Variants in USH2A observed in about 807,000 individuals in gnomAD.
USH2A encodes the protein usherin.
Under a neutral mutation model 538.9 loss-of-function variants are expected in USH2A, and 443 were observed. The observed-to-expected ratio is 0.82, with a 90% confidence interval of 0.76 to 0.89. The LOEUF (loss-of-function observed/expected upper bound fraction) is 0.89, where lower values mean the gene tolerates loss of function less well. USH2A is among the 40% of genes least tolerant of loss of function. USH2A has a pLI of 0.00. For missense variants in USH2A, 6,633 were observed against 6,324.8 expected, an observed-to-expected ratio of 1.05 and a Z score of -1.65; for synonymous variants, 2,413 against 2,273.5, an observed-to-expected ratio of 1.06 and a Z score of -1.75.
At position 216,013,162 on chromosome 1, in the gene USH2A, T is replaced by C. The variant is rs1024862894; in HGVS notation, c.6326-12600A>G. Among the ~76,000 whole-genome samples, 18 of 152,242 alleles carry C rather than the reference T, an allele frequency of 1.2e-4. No individual in the cohort carries two copies. The South Asian group carries it at 1.7e-3, about 14-fold the overall frequency. On this transcript the variant is annotated intron_variant, in intron 32 of 71. Coordinates refer to ENST00000307340, the MANE Select transcript of USH2A (RefSeq NM_206933.4). ...CTTAGACCTTTTATACCTGTTTTTC[T>C]CCTTCTCTTATTCCATTTAGTTTTT...
intron 12 of USH2A, among the ~76,000 whole-genome samples, chr1:216,249,282 A>G (rs1300946708): frequency 6.6e-6 from 1 of 152,094 alleles, no homozygotes; most frequent in East Asian, 1.9e-4. Flanking sequence ...AACCATCTGG[A>G]TCAATCAACA....
chr1:215,722,414 T>A (rs542052480), intron 61 of USH2A, among the ~76,000 whole-genome samples: 5 of 152,226 alleles, frequency 3.3e-5, no homozygotes, highest in Non-Finnish European at 7.3e-5. Context: ...AGCAGTAATA[T>A]TTTATGTTAT....
chr1:215,639,004 C>CAAAA, intron 69 of USH2A, 151 bp downstream of exon 69: 1 of 583,762 alleles, frequency 1.7e-6, no homozygotes, highest in South Asian at 2.3e-5. Flanking sequence ...AAAAAAAAAA[C>CAAAA]AAAAAAAAAA....
intron 21 of USH2A, among the ~76,000 whole-genome samples, chr1:216,140,037 T>A (rs1450992680): frequency 1.3e-5 from 2 of 152,236 alleles, no homozygotes; most frequent in Non-Finnish European, 2.9e-5. Flanking sequence ...AGACAAGGAC[T>A]GCTCTAAATA....
At chr1:216,033,257 TTG>T (rs1669170874) in intron 32 of USH2A, among the ~76,000 whole-genome samples, 1 of 152,244 alleles carries the variant, frequency 6.6e-6, no homozygotes, top group African/African-American at 2.4e-5. Flanking sequence ...TAAACTTTTA[TTG>T]TGTTTTCACT....
chr1:215,837,436 A>G (rs1438749332), intron 47 of USH2A, among the ~76,000 whole-genome samples: 1 of 152,122 alleles, frequency 6.6e-6, no homozygotes, highest in Non-Finnish European at 1.5e-5. Context: ...TATTATTATT[A>G]TTGTTGTTGT....
At chr1:216,418,073 A>T (rs2039606840) in intron 3 of USH2A, among the ~76,000 whole-genome samples, 1 of 152,134 alleles carries the variant, frequency 6.6e-6, no homozygotes, top group South Asian at 2.1e-4. Context: ...TAAGGTCACC[A>T]TTTTAATGCA....
intron 4 of USH2A, among the ~76,000 whole-genome samples, chr1:216,338,559 C>T (rs2038018613): frequency 6.6e-6 from 1 of 151,328 alleles, no homozygotes; most frequent in Non-Finnish European, 1.5e-5. Context: ...GATATATTCG[C>T]CAATGTTAAA....
At chr1:215,855,169 C>G (rs1664128984) in intron 44 of USH2A, among the ~76,000 whole-genome samples, 1 of 152,058 alleles carries the variant, frequency 6.6e-6, no homozygotes, top group Non-Finnish European at 1.5e-5. Flanking sequence ...ATCCAAATAG[C>G]TAAAGAGGAA....
Position 215,878,765 on chromosome 1 carries a change from T to C in USH2A, c.8557A>G (p.Arg2853Gly). ...AAAATCATAGTCACCTTCTCTTACC[T>C]CAAATTAGGTCCATTTGGCTTGGAT... Reference protein sequence around the residue: ...PPSKPNGPNLRYELLRRKIQQ... With the variant: ...PPSKPNGPNLGYELLRRKIQQ... Residue 2853 changes from arginine (R) to glycine (G), a missense_variant and splice_region_variant, in exon 42 of 72, where the codon AGA (arginine) becomes GGA (glycine). Coordinates refer to ENST00000307340, the MANE Select transcript of USH2A (RefSeq NM_206933.4). 6.2e-6 allele frequency: 10 copies of C among 1,613,840 alleles called. No homozygotes were observed. Among genetic ancestry groups the C allele is most frequent in the Non-Finnish European group, 7.6e-6 (9 of 1,179,860 alleles).
chr1:215,964,159 G>T (rs1667272139), intron 37 of USH2A, among the ~76,000 whole-genome samples: 1 of 152,116 alleles, frequency 6.6e-6, no homozygotes, highest in South Asian at 2.1e-4. Context: ...TATGGCTCTT[G>T]CATTATTCAC....
chr1:215,997,467 G>A (rs76687955), intron 34 of USH2A, among the ~76,000 whole-genome samples: 5,666 of 152,104 alleles, frequency 0.037, 346 homozygotes, highest in African/African-American at 0.13. Context: ...AACTCAGTGA[G>A]GTTAAGTGAA....
chr1:216,178,797 A>C (rs1339635369), intron 20 of USH2A, among the ~76,000 whole-genome samples: 1 of 152,150 alleles, frequency 6.6e-6, no homozygotes, highest in Non-Finnish European at 1.5e-5. Flanking sequence ...TGAGCACTTG[A>C]AATGTAGCTA....
At chr1:215,826,732 C>G (rs1380840085) in intron 47 of USH2A, among the ~76,000 whole-genome samples, 3 of 152,012 alleles carry the variant, frequency 2.0e-5, no homozygotes, top group Non-Finnish European at 4.4e-5. Flanking sequence ...CAGTAAGTAG[C>G]AGGTGAAAAG....
intron 35 of USH2A, among the ~76,000 whole-genome samples, chr1:215,986,740 G>A (rs970080496): frequency 6.6e-6 from 1 of 152,176 alleles, no homozygotes; most frequent in Non-Finnish European, 1.5e-5. Flanking sequence ...GTGCATTTGT[G>A]TATGTTGTAT....
intron 11 of USH2A, among the ~76,000 whole-genome samples, chr1:216,288,657 A>G (rs2036936318): frequency 6.6e-6 from 1 of 152,180 alleles, no homozygotes; most frequent in East Asian, 1.9e-4. Flanking sequence ...ATTTTCACTT[A>G]TTAGTATTAT....
At chr1:215,666,660 A>C (rs1320421898) in intron 64 of USH2A, among the ~76,000 whole-genome samples, 5 of 152,182 alleles carry the variant, frequency 3.3e-5, no homozygotes. Context: ...ATTCTAATGC[A>C]CAAAGCTGAG....
chr1:216,022,472 C>T (rs1483324562), intron 32 of USH2A, among the ~76,000 whole-genome samples: 2 of 152,042 alleles, frequency 1.3e-5, no homozygotes, highest in Admixed American at 6.6e-5. Context: ...GGTATGGTGC[C>T]CTGGTTCTCA....
Position 216,289,412 on chromosome 1 carries a change from T to C in USH2A, c.1841-2A>G, listed in dbSNP as rs397518003. ...CCTTGCACAGCTCACAGTTCCTTCC[T>C]GCATCAGGGAAAGGTTATGCATTAT... is the stretch of plus-strand genomic sequence containing the variant. On this transcript the variant is annotated splice_acceptor_variant, in intron 10 of 71. Coordinates refer to ENST00000307340, the MANE Select transcript of USH2A (RefSeq NM_206933.4). LOFTEE classifies it high-confidence loss of function. The C allele has an allele frequency of 2.1e-5, 34 of 1,613,732 alleles. No homozygotes were observed. Among genetic ancestry groups the C allele is most frequent in the Admixed American group, 8.3e-5 (5 of 60,000 alleles).
Sources: allele counts gnomAD v4.1 joint callset (sites outside exome capture counted in the v4.1 genomes callset), GRCh38; gene constraint gnomAD v4.1.1; transcripts MANE v1.5; gene names NCBI Gene and HGNC (gene_info 2026-07-23, HGNC 2026-07-21).